The following CYP2C18 variants were observed in gnomAD, a reference collection of about 807,000 sequenced individuals.
CYP2C18 encodes cytochrome P450 2C18.
A neutral mutation model predicts 41.3 loss-of-function variants in CYP2C18; 38 were observed. That is an observed-to-expected ratio of 0.92 (90% CI 0.71 to 1.21). The LOEUF (loss-of-function observed/expected upper bound fraction) is 1.21, where lower values mean the gene tolerates loss of function less well. Among genes scored for constraint, CYP2C18 ranks in the 50% most tolerant of loss-of-function variants. The pLI, the probability that CYP2C18 is intolerant of heterozygous loss-of-function variation, is 0.00. For missense variants in CYP2C18, 635 were observed against 591.4 expected, an observed-to-expected ratio of 1.07 and a Z score of -0.77; for synonymous variants, 236 against 210.0, an observed-to-expected ratio of 1.12 and a Z score of -1.07.
intron 4 of CYP2C18, among the ~76,000 whole-genome samples, chr10:94,704,049 G>A (rs1453152411): frequency 6.6e-6 from 1 of 152,128 alleles, no homozygotes; most frequent in South Asian, 2.1e-4. Flanking sequence ...TTTGCCATCC[G>A]TGGGCTGCAC....
At chr10:94,730,320 A>G (rs1847806368) in intron 7 of CYP2C18, among the ~76,000 whole-genome samples, 1 of 152,152 alleles carries the variant, frequency 6.6e-6, no homozygotes, top group African/African-American at 2.4e-5. Flanking sequence ...TTTTTTAAAA[A>G]CATCCCTTTC....
chr10:94,714,314 T>G (rs1398736184), intron 5 of CYP2C18, among the ~76,000 whole-genome samples: 5 of 152,244 alleles, frequency 3.3e-5, no homozygotes, highest in Non-Finnish European at 7.3e-5. Context: ...GTTTTAGATC[T>G]GACATTTATG....
At chr10:94,729,578 G>A (rs1847796034) in intron 7 of CYP2C18, among the ~76,000 whole-genome samples, 1 of 152,086 alleles carries the variant, frequency 6.6e-6, no homozygotes, top group Admixed American at 6.6e-5. Context: ...AACCAGTGAT[G>A]GTAAAGAGAA....
intron 5 of CYP2C18, among the ~76,000 whole-genome samples, chr10:94,714,309 A>G (rs1396279180): frequency 6.6e-6 from 1 of 152,154 alleles, no homozygotes; most frequent in African/African-American, 2.4e-5. Context: ...TTATGGTTTT[A>G]GATCTGACAT....
Position 94,724,326 on chromosome 10 carries a change from T to TCTTA in CYP2C18, c.962-16_962-13dup. On this transcript the variant is annotated intron_variant, in intron 6 of 8. Transcript: ENST00000285979. ...GCCATTTTCCTCCTTTTCCATCATT[T>TCTTA]CTTACTTGTGTCTTATCAGCTAAAG... 6.2e-7 allele frequency: 1 copy of TCTTA among 1,612,670 alleles called. No homozygotes were observed. The highest frequency in any genetic ancestry group is 8.5e-7 in the Non-Finnish European group (1 of 1,179,002).
At chr10:94,704,597 A>T (rs1372016722) in intron 4 of CYP2C18, among the ~76,000 whole-genome samples, 1 of 152,150 alleles carries the variant, frequency 6.6e-6, no homozygotes, top group Non-Finnish European at 1.5e-5. Flanking sequence ...AAGGTCTTTC[A>T]GATTGGCTGG....
Position 94,735,636 on chromosome 10 carries a change from A to G in CYP2C18, c.*192A>G. 1.6e-6 allele frequency: 1 copy of G among 606,968 alleles called. No homozygotes were observed. The highest frequency in any genetic ancestry group is 2.9e-6 in the Non-Finnish European group (1 of 343,754). 37.6% of individuals were successfully genotyped at this position (606,968 alleles called of 1,614,324 possible). On this transcript the variant is annotated 3_prime_UTR_variant, in exon 9 of 9. Coordinates refer to ENST00000285979, the MANE Select transcript of CYP2C18 (RefSeq NM_000772.3). ...GTTTCTTGGGTCACTTCCTAAATAT[A>G]TCTGCTATTCTCCATACTCTGTATC...
Position 94,698,969 on chromosome 10 carries a change from A to G in CYP2C18, c.642+3892A>G, listed in dbSNP as rs4269853. ...CTGAATAGACCAATAACAGGCTCTGAAATTGAGGCAATAGTTAATAACTTA... is the reference window on the plus strand; with the variant it reads ...CTGAATAGACCAATAACAGGCTCTGGAATTGAGGCAATAGTTAATAACTTA... On this transcript the variant is annotated intron_variant, in intron 4 of 8. Transcript: ENST00000285979. Among the ~76,000 whole-genome samples the G allele has an allele frequency of 2.0e-5, 3 of 152,238 alleles. No homozygotes were observed. In the East Asian group the frequency reaches 5.8e-4, roughly 29 times the overall value.
chr10:94,690,836 A>C (rs996684039), intron 3 of CYP2C18, among the ~76,000 whole-genome samples: 2 of 152,194 alleles, frequency 1.3e-5, no homozygotes, highest in Non-Finnish European at 2.9e-5. Context: ...ATAATCAAGT[A>C]GGCTTCATCC....
At chr10:94,734,641 G>T (rs1453337403) in intron 8 of CYP2C18, among the ~76,000 whole-genome samples, 4 of 152,088 alleles carry the variant, frequency 2.6e-5, no homozygotes, top group Non-Finnish European at 5.9e-5. Context: ...TTTGTGGTGT[G>T]TTGGAAATTG....
chr10:94,690,887 A>G lies in CYP2C18; in HGVS notation c.481+2613A>G, dbSNP rs187016705. 3.5e-4 allele frequency among the ~76,000 whole-genome samples: 54 copies of G among 152,306 alleles called. No homozygotes were observed. The East Asian group carries it at 9.9e-3, about 28-fold the overall frequency. ...GGTCCAACATATGAAAATCAATAAA[A>G]GTAATCCAGTATATAAACAGAACCA... On this transcript the variant is annotated intron_variant, in intron 3 of 8. Coordinates refer to ENST00000285979, the MANE Select transcript of CYP2C18 (RefSeq NM_000772.3).
intron 3 of CYP2C18, among the ~76,000 whole-genome samples, chr10:94,689,384 C>A (rs1483680003): frequency 6.6e-6 from 1 of 151,320 alleles, no homozygotes; most frequent in Non-Finnish European, 1.5e-5. Flanking sequence ...TCTTCAACAT[C>A]TTGGGGATTT....
intron 5 of CYP2C18, among the ~76,000 whole-genome samples, chr10:94,713,008 C>T (rs562991553): frequency 2.0e-5 from 3 of 152,132 alleles, no homozygotes; most frequent in Admixed American, 6.5e-5. Context: ...TTCATTCAGG[C>T]TATTTGCCCA....
intron 5 of CYP2C18, among the ~76,000 whole-genome samples, chr10:94,708,612 C>G (rs898587564): frequency 6.6e-5 from 10 of 151,724 alleles, no homozygotes; most frequent in African/African-American, 1.9e-4. Context: ...CATATTGTAC[C>G]CTCATACATT....
At chr10:94,707,973 A>T (rs2134191870) in intron 5 of CYP2C18, among the ~76,000 whole-genome samples, 1 of 152,274 alleles carries the variant, frequency 6.6e-6, no homozygotes. Flanking sequence ...CTAAGGTGCA[A>T]AGTACTCTTT....
At chr10:94,729,163 C>T (rs941562918) in intron 7 of CYP2C18, among the ~76,000 whole-genome samples, 2 of 152,096 alleles carry the variant, frequency 1.3e-5, no homozygotes, top group African/African-American at 2.4e-5. Flanking sequence ...TAGCTGTATT[C>T]GCTTGTCAGC....
chr10:94,703,476 G>T (rs144176604), intron 4 of CYP2C18, among the ~76,000 whole-genome samples: 1 of 152,320 alleles, frequency 6.6e-6, no homozygotes, highest in Non-Finnish European at 1.5e-5. Flanking sequence ...CAGGGGCTTT[G>T]TGGTGCTGCG....
intron 4 of CYP2C18, among the ~76,000 whole-genome samples, chr10:94,702,289 G>C (rs1847260301): frequency 6.6e-6 from 1 of 152,120 alleles, no homozygotes; most frequent in Non-Finnish European, 1.5e-5. Context: ...TGTCTTGCTA[G>C]GTTGGGGAAG....
At chr10:94,710,380 T>G (rs889884787) in intron 5 of CYP2C18, among the ~76,000 whole-genome samples, 5 of 152,230 alleles carry the variant, frequency 3.3e-5, no homozygotes, top group Non-Finnish European at 5.9e-5. Flanking sequence ...GAGTTCCCCA[T>G]GAATTTTATG....
Sources: gnomAD v4.1 joint callset for allele counts (sites outside exome capture counted in the v4.1 genomes callset) on GRCh38, gnomAD v4.1.1 for gene constraint, MANE v1.5 for transcripts, NCBI Gene and HGNC (gene_info 2026-07-23, HGNC 2026-07-21) for gene names.